ADIPOR2: variants seen among roughly 807,000 people sequenced by gnomAD.
ADIPOR2 encodes the protein adiponectin receptor 2.
In ADIPOR2, 18 loss-of-function variants were observed where a neutral mutation model predicts 40.9. That is an observed-to-expected ratio of 0.44 (90% CI 0.30 to 0.65). The LOEUF (loss-of-function observed/expected upper bound fraction) is 0.65. Among genes scored for constraint, ADIPOR2 ranks in the 30% least tolerant of loss-of-function variants. The pLI is 0.09. For synonymous variants in ADIPOR2, 165 were observed against 166.4 expected, an observed-to-expected ratio of 0.99 and a Z score of 0.06; for missense variants, 283 against 479.2, an observed-to-expected ratio of 0.59 and a Z score of 3.82.
At chr12:1,733,813 T>C (rs530480105) in intron 1 of ADIPOR2, among the ~76,000 whole-genome samples, 3 of 143,502 alleles carry the variant, frequency 2.1e-5, no homozygotes, top group African/African-American at 7.6e-5. Context: ...TGTGTCCATG[T>C]GTTCTCATTG....
intron 1 of ADIPOR2, among the ~76,000 whole-genome samples, chr12:1,751,690 ATTT>A (rs568094701): frequency 6.8e-6 from 1 of 147,894 alleles, no homozygotes; most frequent in African/African-American, 2.5e-5. Flanking sequence ...AATTAAAAAA[ATTT>A]TTTTTTTTGT....
At chr12:1,749,489 A>T (rs779209992) in intron 1 of ADIPOR2, among the ~76,000 whole-genome samples, 3 of 152,348 alleles carry the variant, frequency 2.0e-5, no homozygotes, top group African/African-American at 7.2e-5. Flanking sequence ...AAGAAGACCA[A>T]TAGATATCAT....
At chr12:1,777,059 A>C (rs7136278) in intron 3 of ADIPOR2, among the ~76,000 whole-genome samples, 2 of 152,144 alleles carry the variant, frequency 1.3e-5, no homozygotes, top group African/African-American at 4.8e-5. Flanking sequence ...TCATATTTGC[A>C]TAGTGGGAAG....
At chr12:1,726,588 T>C (rs1233046386) in intron 1 of ADIPOR2, among the ~76,000 whole-genome samples, 2 of 151,850 alleles carry the variant, frequency 1.3e-5, no homozygotes, top group African/African-American at 4.8e-5. Context: ...TGGGTTCTAA[T>C]CCTCATTTCA....
intron 3 of ADIPOR2, among the ~76,000 whole-genome samples, chr12:1,777,547 C>T (rs926902598): frequency 6.6e-6 from 1 of 151,852 alleles, no homozygotes; most frequent in African/African-American, 2.4e-5. Flanking sequence ...CCACCACACC[C>T]GGCTAATTTT....
intron 4 of ADIPOR2, chr12:1,778,310 G>C (rs1394808915): frequency 3.8e-6 from 1 of 264,094 alleles, no homozygotes; most frequent in Non-Finnish European, 7.2e-6. Flanking sequence ...TCATATTGTA[G>C]TGACCACTGA....
At chr12:1,731,129 T>G (rs2094719341) in intron 1 of ADIPOR2, 1 of 151,324 alleles carries the variant, frequency 6.6e-6, no homozygotes, top group Non-Finnish European at 1.5e-5. Context: ...GATGCGATCA[T>G]GGCTTACTGA....
At chr12:1,728,672 C>G (rs1465890863) in intron 1 of ADIPOR2, among the ~76,000 whole-genome samples, 1 of 151,682 alleles carries the variant, frequency 6.6e-6, no homozygotes, top group African/African-American at 2.4e-5. Context: ...TACAGTGAGC[C>G]AAGATGGCGC....
At chr12:1,776,385 G>A (rs183445748) in intron 3 of ADIPOR2, among the ~76,000 whole-genome samples, 33 of 152,322 alleles carry the variant, frequency 2.2e-4, no homozygotes, top group African/African-American at 6.5e-4. Context: ...GTAGGGTGGA[G>A]GTCATTGTCT....
chr12:1,725,920 T>C (rs1246850130), intron 1 of ADIPOR2, among the ~76,000 whole-genome samples: 2 of 152,212 alleles, frequency 1.3e-5, no homozygotes, highest in Non-Finnish European at 2.9e-5. Flanking sequence ...GAAATCTTCA[T>C]TGAATGTCTA....
At chr12:1,722,727 T>G (rs2094700236) in intron 1 of ADIPOR2, among the ~76,000 whole-genome samples, 1 of 152,170 alleles carries the variant, frequency 6.6e-6, no homozygotes, top group African/African-American at 2.4e-5. Context: ...ATTATTTGAG[T>G]GCATTCTAAA....
chr12:1,726,592 C>T (rs1449303824), intron 1 of ADIPOR2, among the ~76,000 whole-genome samples: 1 of 152,080 alleles, frequency 6.6e-6, no homozygotes, highest in African/African-American at 2.4e-5. Flanking sequence ...TTCTAATCCT[C>T]ATTTCATCAT....
chr12:1,736,577 A>G (rs533356678), intron 1 of ADIPOR2, among the ~76,000 whole-genome samples: 9 of 152,160 alleles, frequency 5.9e-5, no homozygotes, highest in Non-Finnish European at 1.3e-4. Context: ...TGGATTCATT[A>G]ATTTTTTGAA....
At chr12:1,764,982 G>A (rs2154443898) in intron 2 of ADIPOR2, among the ~76,000 whole-genome samples, 1 of 152,178 alleles carries the variant, frequency 6.6e-6, no homozygotes, top group African/African-American at 2.4e-5. Context: ...ATTATAAATA[G>A]TGTTGCTATG....
chr12:1,711,121 G>A (rs1818575042), intron 1 of ADIPOR2, among the ~76,000 whole-genome samples: 1 of 152,156 alleles, frequency 6.6e-6, no homozygotes, highest in South Asian at 2.1e-4. Flanking sequence ...AAGGTGCATA[G>A]TCCTCCTTTC....
At chr12:1,704,250 A>G (rs1383001883) in intron 1 of ADIPOR2, among the ~76,000 whole-genome samples, 2 of 152,056 alleles carry the variant, frequency 1.3e-5, no homozygotes, top group Non-Finnish European at 2.9e-5. Context: ...GCTGCTTCAT[A>G]TATTCAAGTT....
At chr12:1,774,865 C>T (rs1002988027) in intron 3 of ADIPOR2, among the ~76,000 whole-genome samples, 7 of 151,528 alleles carry the variant, frequency 4.6e-5, no homozygotes, top group East Asian at 3.9e-4. Context: ...CCACCATGCC[C>T]GGCTAATTTT....
chr12:1,695,074 C>T (rs1343126251), intron 1 of ADIPOR2, among the ~76,000 whole-genome samples: 1 of 149,126 alleles, frequency 6.7e-6, no homozygotes, highest in Non-Finnish European at 1.5e-5. Flanking sequence ...CTGGAGTGCA[C>T]TGGTGCCGTC....
chr12:1,745,375 A>C (rs1321304503), intron 1 of ADIPOR2, among the ~76,000 whole-genome samples: 1 of 152,196 alleles, frequency 6.6e-6, no homozygotes, highest in Non-Finnish European at 1.5e-5. Context: ...TCTGTGGCCG[A>C]TCTGAGCACA....
Sources: gnomAD v4.1 joint callset for allele counts (sites outside exome capture counted in the v4.1 genomes callset) on GRCh38, gnomAD v4.1.1 for gene constraint, MANE v1.5 for transcripts, NCBI Gene and HGNC (gene_info 2026-07-23, HGNC 2026-07-21) for gene names.